CNTN5: variants seen among roughly 807,000 people sequenced by gnomAD.
CNTN5 encodes the protein contactin-5.
A neutral mutation model predicts 129.1 loss-of-function variants in CNTN5; 77 were observed. The ratio of observed to expected loss-of-function variants is 0.60; its 90% CI spans 0.50 to 0.72. The LOEUF is 0.72. Among genes scored for constraint, CNTN5 ranks in the 30% least tolerant of loss-of-function variants. The probability of loss-of-function intolerance (pLI) is 0.00; values close to 1 mark genes in which losing one functional copy is unlikely to be tolerated. For missense variants in CNTN5, 1,478 were observed against 1,328.8 expected (o/e 1.11, Z -1.75); for synonymous variants, 509 against 465.6 (o/e 1.09, Z -1.20).
chr11:99,890,876 G>A (rs1205239021), intron 6 of CNTN5, among the ~76,000 whole-genome samples: 3 of 152,108 alleles, frequency 2.0e-5, no homozygotes, highest in African/African-American at 7.2e-5. Context: ...GTTTGAAATG[G>A]CACTTTACCT....
chr11:100,016,505 A>G (rs150187007), intron 9 of CNTN5, among the ~76,000 whole-genome samples: 161 of 152,142 alleles, frequency 1.1e-3, no homozygotes, highest in Admixed American at 2.3e-3. Context: ...GTTGCCTTAG[A>G]TTATTCATGA....
chr11:100,030,748 A>G (rs1034494508), intron 9 of CNTN5, among the ~76,000 whole-genome samples: 1 of 152,214 alleles, frequency 6.6e-6, no homozygotes, highest in East Asian at 1.9e-4. Flanking sequence ...TACTTATAAA[A>G]CACAAAAGAT....
intron 1 of CNTN5, among the ~76,000 whole-genome samples, chr11:99,076,495 C>T (rs1865581926): frequency 5.9e-5 from 9 of 151,926 alleles, no homozygotes; most frequent in Admixed American, 5.9e-4. Context: ...CCTAAAGAAT[C>T]CTAAATGTGG....
chr11:99,632,177 T>C (rs642457), intron 3 of CNTN5, among the ~76,000 whole-genome samples: 91,219 of 151,192 alleles, frequency 0.6, 28,384 homozygotes, highest in Admixed American at 0.69. Context: ...ATCTTAAAAT[T>C]GTCTTACAAT....
chr11:99,882,621 T>C (rs901663028), intron 6 of CNTN5, among the ~76,000 whole-genome samples: 4 of 152,176 alleles, frequency 2.6e-5, no homozygotes, highest in Non-Finnish European at 5.9e-5. Flanking sequence ...ACATGAGATA[T>C]ACTGATACAG....
intron 3 of CNTN5, among the ~76,000 whole-genome samples, chr11:99,797,370 T>C (rs1356603311): frequency 6.6e-6 from 1 of 152,156 alleles, no homozygotes; most frequent in Non-Finnish European, 1.5e-5. Flanking sequence ...TACCTGCCAA[T>C]AGTGTATAAG....
At chr11:99,948,816 C>T (rs1319603627) in intron 7 of CNTN5, among the ~76,000 whole-genome samples, 3 of 152,196 alleles carry the variant, frequency 2.0e-5, no homozygotes, top group Non-Finnish European at 4.4e-5. Context: ...CCGATGCGTG[C>T]GCACATCCAG....
chr11:99,276,233 G>A (rs1863421420), intron 1 of CNTN5, among the ~76,000 whole-genome samples: 1 of 151,782 alleles, frequency 6.6e-6, no homozygotes, highest in Non-Finnish European at 1.5e-5. Flanking sequence ...CAGTTGAAAT[G>A]TCTTTACTTT....
chr11:100,308,777 G>GT, intron 21 of CNTN5: 1 of 1,006,660 alleles, frequency 9.9e-7, no homozygotes, highest in East Asian at 9.7e-5. Flanking sequence ...CATTTTAAAA[G>GT]TTTTTGTGTC....
chr11:99,547,935 T>C (rs1206797611), intron 2 of CNTN5, among the ~76,000 whole-genome samples: 1 of 152,180 alleles, frequency 6.6e-6, no homozygotes, highest in Non-Finnish European at 1.5e-5. Flanking sequence ...GCTTAACCTT[T>C]CTGTGCCCCA....
chr11:99,769,026 T>C (rs532212566), intron 3 of CNTN5, among the ~76,000 whole-genome samples: 1 of 109,096 alleles, frequency 9.2e-6, no homozygotes, highest in African/African-American at 3.2e-5. Flanking sequence ...AGTTCTTTTC[T>C]CTTTTCTATC....
intron 16 of CNTN5, among the ~76,000 whole-genome samples, chr11:100,253,655 C>T (rs1235235112): frequency 2.0e-5 from 3 of 152,014 alleles, no homozygotes; most frequent in Non-Finnish European, 2.9e-5. Context: ...TTCCTGTCAC[C>T]ACAGTCTAAA....
intron 3 of CNTN5, among the ~76,000 whole-genome samples, chr11:99,767,082 A>T (rs1944780665): frequency 6.6e-6 from 1 of 152,072 alleles, no homozygotes; most frequent in South Asian, 2.1e-4. Flanking sequence ...CAAAGGTTTT[A>T]TCTGTGCCGT....
At chr11:99,763,231 G>C (rs1335881761) in intron 3 of CNTN5, among the ~76,000 whole-genome samples, 1 of 151,988 alleles carries the variant, frequency 6.6e-6, no homozygotes, top group Non-Finnish European at 1.5e-5. Context: ...AGAATATAAT[G>C]ATACACATAA....
chr11:99,508,678 T>TTTTC (rs200275405), intron 2 of CNTN5, among the ~76,000 whole-genome samples: 29 of 150,938 alleles, frequency 1.9e-4, no homozygotes, highest in Non-Finnish European at 3.4e-4. Context: ...ATAATTTTTC[T>TTTTC]TTTCTTTCTT....
chr11:99,627,094 G>A (rs973030267), intron 3 of CNTN5, among the ~76,000 whole-genome samples: 2 of 152,008 alleles, frequency 1.3e-5, no homozygotes, highest in Admixed American at 6.6e-5. Flanking sequence ...AAAGATTGGT[G>A]GATAGAAGCC....
At chr11:100,307,090 A>C (rs1432866040) in intron 20 of CNTN5, among the ~76,000 whole-genome samples, 1 of 151,702 alleles carries the variant, frequency 6.6e-6, no homozygotes, top group Non-Finnish European at 1.5e-5. Flanking sequence ...ATATATTTCA[A>C]TTAATAATAT....
intron 16 of CNTN5, among the ~76,000 whole-genome samples, chr11:100,248,349 A>T (rs755036918): frequency 5.3e-5 from 8 of 152,068 alleles, no homozygotes; most frequent in Non-Finnish European, 1.2e-4. Context: ...GTTTGAGACC[A>T]CACTGGTTAA....
At chr11:99,477,069 A>C (rs1018660072) in intron 2 of CNTN5, among the ~76,000 whole-genome samples, 35 of 151,924 alleles carry the variant, frequency 2.3e-4, no homozygotes, top group African/African-American at 8.5e-4. Context: ...ATTTTCATAG[A>C]TCTAATTACT....
Sources: gnomAD v4.1 joint callset for allele counts (sites outside exome capture counted in the v4.1 genomes callset) on GRCh38, gnomAD v4.1.1 for gene constraint, MANE v1.5 for transcripts, NCBI Gene and HGNC (gene_info 2026-07-23, HGNC 2026-07-21) for gene names.